SPIB: variants seen among roughly 807,000 people sequenced by gnomAD.
SPIB encodes Spi-B transcription factor.
In SPIB, 7 loss-of-function variants were observed where a neutral mutation model predicts 31.9. That is an observed-to-expected ratio of 0.22 (90% confidence interval 0.12 to 0.41). The LOEUF (loss-of-function observed/expected upper bound fraction) is 0.41, where lower values mean the gene tolerates loss of function less well. Among genes scored for constraint, SPIB ranks in the 10% least tolerant of loss-of-function variants. The pLI, the probability that SPIB is intolerant of heterozygous loss-of-function variation, is 1.00. For missense variants in SPIB, 327 were observed against 360.2 expected (o/e 0.91, Z 0.75); for synonymous variants, 176 against 158.9 (o/e 1.11, Z -0.81).
chr19:50,422,534 A>T lies in SPIB; in HGVS notation c.113A>T (p.Glu38Val). 1.2e-6 allele frequency: 2 copies of T among 1,613,854 alleles called. No homozygotes were observed. The highest frequency in any genetic ancestry group is 1.7e-6 in the Non-Finnish European group (2 of 1,179,924). The change falls in exon 3 of 6, where the codon GAG becomes GTG. Residue 38 changes from glutamate (E) to valine (V), a missense_variant. Transcript: ENST00000595883. ...SCKHSSYPDSEGAPDSLWDWT... is the reference protein window; with the variant it reads ...SCKHSSYPDSVGAPDSLWDWT... ...AAGCATTCCAGCTACCCTGATTCAG[A>T]GGGGGCTCCTGGTGAGTGACCCCAG...
intron 5 of SPIB, 107 bp downstream of exon 5, chr19:50,423,862 G>C (rs1281861940): frequency 1.5e-6 from 2 of 1,316,376 alleles, no homozygotes; most frequent in African/African-American, 1.5e-5. Flanking sequence ...ACTCTGGGCA[G>C]CTCCCAGATC....
intron 2 of SPIB, 152 bp downstream of exon 2, chr19:50,420,125 G>A (rs1007212814): frequency 2.3e-5 from 14 of 620,716 alleles, no homozygotes; most frequent in East Asian, 1.0e-4. Flanking sequence ...CCCCGCATCC[G>A]TATTTTTGAT....
intron 5 of SPIB, among the ~76,000 whole-genome samples, 164 bp from the exon 6 acceptor site, chr19:50,427,871 CCCG>C (rs2039587248): frequency 6.7e-6 from 1 of 148,394 alleles, no homozygotes; most frequent in African/African-American, 2.6e-5. Flanking sequence ...CCCCCCCCCC[CCCG>C]TGGTGAGGGG....
chr19:50,420,645 T>C (rs1404867546), intron 2 of SPIB, among the ~76,000 whole-genome samples: 1 of 152,250 alleles, frequency 6.6e-6, no homozygotes, highest in East Asian at 1.9e-4. Context: ...TTTTGCTTTT[T>C]GAGAAGGAGT....
At chr19:50,419,115 C>A in intron 1 of SPIB, 130 bp downstream of exon 1, 1 of 1,031,992 alleles carries the variant, frequency 9.7e-7, no homozygotes, top group Non-Finnish European at 1.4e-6. Flanking sequence ...AGGGGTCCAC[C>A]CTGTCTCTTG....
At chr19:50,420,794 A>C (rs1297473894) in intron 2 of SPIB, among the ~76,000 whole-genome samples, 1 of 151,932 alleles carries the variant, frequency 6.6e-6, no homozygotes. Context: ...TGCCCAGCTA[A>C]TTTTTGTATT....
chr19:50,422,761 C>A (rs922914014), intron 3 of SPIB, 62 bp from the exon 4 acceptor site: 1 of 1,206,192 alleles, frequency 8.3e-7, no homozygotes, highest in Non-Finnish European at 1.2e-6. Flanking sequence ...GTGCTGGGGG[C>A]TTCGACTGCG....
intron 2 of SPIB, among the ~76,000 whole-genome samples, chr19:50,421,984 A>G (rs1376433724): frequency 6.6e-6 from 1 of 152,128 alleles, no homozygotes; most frequent in Non-Finnish European, 1.5e-5. Flanking sequence ...TCCTGACCTC[A>G]GGTGATCTGC....
At chr19:50,419,041 T>TG (rs2039447476) in intron 1 of SPIB, 56 bp downstream of exon 1, 1 of 1,540,902 alleles carries the variant, frequency 6.5e-7, no homozygotes, top group African/African-American at 1.4e-5. Context: ...TGCCCCTCTG[T>TG]GGGGCCTCAC....
intron 5 of SPIB, 144 bp from the exon 6 acceptor site, chr19:50,427,894 A>G (rs1047149532): frequency 4.7e-6 from 2 of 421,536 alleles, no homozygotes; most frequent in Non-Finnish European, 7.2e-6. Flanking sequence ...GCGCAGAGCC[A>G]GGTGTATGTA....
At chr19:50,424,027 G>A (rs1322864083) in intron 5 of SPIB, among the ~76,000 whole-genome samples, 3 of 152,148 alleles carry the variant, frequency 2.0e-5, no homozygotes, top group East Asian at 3.8e-4. Flanking sequence ...TGGGACAGCA[G>A]TGCCAGGCAC....
chr19:50,421,394 C>T (rs1263918611), intron 2 of SPIB, among the ~76,000 whole-genome samples: 1 of 152,150 alleles, frequency 6.6e-6, no homozygotes, highest in Non-Finnish European at 1.5e-5. Context: ...GCGATCTCGG[C>T]TCACTGCAAC....
intron 1 of SPIB, 119 bp from the exon 2 acceptor site, chr19:50,419,827 C>T: frequency 9.8e-7 from 1 of 1,021,070 alleles, no homozygotes; most frequent in South Asian, 1.8e-5. Context: ...TGGGGCTGGT[C>T]CCTCACACAG....
intron 5 of SPIB, 46 bp from the exon 6 acceptor site, chr19:50,427,992 G>T (rs2039590032): frequency 6.9e-7 from 1 of 1,453,184 alleles, no homozygotes. Context: ...GGAAGGCGGG[G>T]CCTTAGGGAC....
intron 5 of SPIB, among the ~76,000 whole-genome samples, chr19:50,424,806 A>G (rs1003559646): frequency 6.7e-6 from 1 of 149,974 alleles, no homozygotes. Flanking sequence ...GAAAGAAAAA[A>G]AAATTAATGG....
intron 3 of SPIB, 65 bp from the exon 4 acceptor site, chr19:50,422,758 G>A: frequency 8.5e-7 from 1 of 1,180,842 alleles, no homozygotes; most frequent in South Asian, 1.4e-5. Flanking sequence ...TCTGTGCTGG[G>A]GGCTTCGACT....
Position 50,428,791 on chromosome 19 carries a change from T to G in SPIB, c.*455T>G. 1.2e-5 allele frequency: 2 copies of G among 165,124 alleles called. No individual in the cohort carries two copies. The highest frequency in any genetic ancestry group is 1.3e-5 in the Non-Finnish European group (1 of 77,196). 10.2% of individuals were successfully genotyped at this position (165,124 alleles called of 1,614,324 possible). A position where few individuals can be genotyped will look rare whatever the true frequency, so the allele number is the denominator to read the frequency against. On this transcript the variant is annotated 3_prime_UTR_variant, in exon 6 of 6. Transcript: ENST00000595883. The surrounding 1 kb of genome is among the most constrained non-coding windows in gnomAD (Gnocchi z 6.5). ...TGGCAACCCTGAGCCCTGTCCAAGG[T>G]TCCCTCTTGTCAGATCTGAGATTTC...
chr19:50,422,654 C>T lies in SPIB; in HGVS notation c.124+109C>T, dbSNP rs1009463653. ...CTAGCACAACAGGATAAAGGTGGCC[C>T]GGGCCTATAGCCCTCCTCCCCTTTC... is the stretch of plus-strand genomic sequence containing the variant. On this transcript the variant is annotated intron_variant, in intron 3 of 5. Coordinates refer to ENST00000595883, the MANE Select transcript of SPIB (RefSeq NM_003121.5). 1.4e-5 allele frequency: 18 copies of T among 1,287,502 alleles called. No individual in the cohort carries two copies. In the East Asian group the frequency reaches 2.4e-4, roughly 17 times the overall value. 79.8% of individuals were successfully genotyped at this position (1,287,502 alleles called of 1,614,324 possible).
chr19:50,428,437 G>A lies in SPIB; in HGVS notation c.*101G>A. 7.8e-7 allele frequency: 1 copy of A among 1,285,960 alleles called. No homozygotes were observed. Among genetic ancestry groups the A allele is most frequent in the Non-Finnish European group, 1.0e-6 (1 of 961,326 alleles). The allele number at this position is 1,285,960 out of a possible 1,614,324, so 79.7% of individuals were successfully genotyped here. ...GGCGTCCCCACACTCTAGGTGATAGGACTTACGCATCCCCACCTTTTGGGG... is the reference window on the plus strand; with the variant it reads ...GGCGTCCCCACACTCTAGGTGATAGAACTTACGCATCCCCACCTTTTGGGG... On this transcript the variant is annotated 3_prime_UTR_variant, in exon 6 of 6. Transcript: ENST00000595883. The surrounding 1 kb of genome is among the most constrained non-coding windows in gnomAD (Gnocchi z 6.5).
Sources: allele counts gnomAD v4.1 joint callset (sites outside exome capture counted in the v4.1 genomes callset), GRCh38; gene constraint gnomAD v4.1.1; non-coding constraint Gnocchi (gnomAD v3.1); transcripts MANE v1.5; gene names NCBI Gene and HGNC (gene_info 2026-07-23, HGNC 2026-07-21).